Variants in NRXN3 observed in about 807,000 individuals in gnomAD.
NRXN3 encodes the protein neurexin 3.
In NRXN3, 32 loss-of-function variants were observed where a neutral mutation model predicts 137.6. That is an observed-to-expected ratio of 0.23 (90% CI 0.18 to 0.31). NRXN3 has a LOEUF of 0.31. Among genes scored for constraint, NRXN3 ranks in the 10% least tolerant of loss-of-function variants. The pLI, the probability that NRXN3 is intolerant of heterozygous loss-of-function variation, is 1.00. For synonymous variants in NRXN3, 798 were observed against 784.5 expected, an observed-to-expected ratio of 1.02 and a Z score of -0.29; for missense variants, 1,574 against 2,062.5, an observed-to-expected ratio of 0.76 and a Z score of 4.59.
At chr14:78,500,501 T>C (rs1220585453) in intron 4 of NRXN3, among the ~76,000 whole-genome samples, 1 of 152,116 alleles carries the variant, frequency 6.6e-6, no homozygotes, top group Non-Finnish European at 1.5e-5. Context: ...CCTTCTACAG[T>C]AAAAAAGTGG....
intron 4 of NRXN3, among the ~76,000 whole-genome samples, chr14:78,465,434 T>C (rs1176055843): frequency 6.6e-6 from 1 of 152,220 alleles, no homozygotes; most frequent in East Asian, 1.9e-4. Context: ...TGAAACTAGA[T>C]CTATAATATT....
At chr14:79,835,813 C>T (rs1288894063) in intron 20 of NRXN3, among the ~76,000 whole-genome samples, 1 of 152,148 alleles carries the variant, frequency 6.6e-6, no homozygotes, top group Non-Finnish European at 1.5e-5. Context: ...GATTTAAACA[C>T]TAAACCACAT....
intron 16 of NRXN3, among the ~76,000 whole-genome samples, chr14:79,622,639 C>A (rs780561445): frequency 6.6e-6 from 1 of 152,054 alleles, no homozygotes; most frequent in Admixed American, 6.5e-5. Context: ...CTCTGTCACC[C>A]AGGCTGGAGT....
chr14:79,550,846 G>T (rs1179695530), intron 16 of NRXN3, among the ~76,000 whole-genome samples: 1 of 152,090 alleles, frequency 6.6e-6, no homozygotes, highest in Non-Finnish European at 1.5e-5. Flanking sequence ...TACTTTATAG[G>T]GCTGTTCTGG....
At position 78,535,302 on chromosome 14, in the gene NRXN3, C is replaced by CTTGG. The variant is rs2096524719; in HGVS notation, c.758-109817_758-109814dup. On this transcript the variant is annotated intron_variant, in intron 4 of 20. Coordinates refer to ENST00000335750, the MANE Select transcript of NRXN3 (RefSeq NM_001330195.2). The stretch of plus-strand genomic sequence containing the variant: ...AGGGGAAAGGAAGAAGTCTGTTGAA[C>CTTGG]TTGGGGCTTAGTTTCACTCTGGATT... Among the ~76,000 whole-genome samples the CTTGG allele has an allele frequency of 2.0e-5, 3 of 152,242 alleles. No individual in the cohort carries two copies. The South Asian group carries it at 6.2e-4, about 32-fold the overall frequency.
chr14:79,514,094 A>T (rs945674272), intron 16 of NRXN3, among the ~76,000 whole-genome samples: 4 of 152,196 alleles, frequency 2.6e-5, no homozygotes, highest in Non-Finnish European at 5.9e-5. Flanking sequence ...ATCAGGAAAG[A>T]TTAAATAAGG....
chr14:79,049,022 CAA>C (rs1171306670), intron 15 of NRXN3, among the ~76,000 whole-genome samples: 36 of 29,480 alleles, frequency 1.2e-3, no homozygotes, highest in African/African-American at 1.6e-3. Flanking sequence ...AACTCCGTCT[CAA>C]AAAAAAAAAA....
At chr14:78,435,064 CAT>C (rs1216715084) in intron 4 of NRXN3, among the ~76,000 whole-genome samples, 1 of 152,196 alleles carries the variant, frequency 6.6e-6, no homozygotes, top group Non-Finnish European at 1.5e-5. Flanking sequence ...TAGAACTCCA[CAT>C]GTTATTAAAT....
intron 15 of NRXN3, among the ~76,000 whole-genome samples, chr14:79,106,776 A>C (rs1409951645): frequency 1.3e-5 from 2 of 152,144 alleles, no homozygotes; most frequent in Non-Finnish European, 2.9e-5. Context: ...AAAGGCTTAT[A>C]AAATTCACCA....
intron 4 of NRXN3, among the ~76,000 whole-genome samples, chr14:78,432,752 C>T (rs2093934546): frequency 6.6e-6 from 1 of 152,138 alleles, no homozygotes; most frequent in African/African-American, 2.4e-5. Flanking sequence ...GGCAGGTATA[C>T]CTGACAGACT....
Position 78,941,505 on chromosome 14 carries a change from G to T in NRXN3, c.2276-15737G>T, listed in dbSNP as rs557210496. Among the ~76,000 whole-genome samples the T allele has an allele frequency of 2.6e-5, 4 of 152,140 alleles. No individual in the cohort carries two copies. The East Asian group carries it at 7.7e-4, about 29-fold the overall frequency. ...TAGTTCCTCTACCCCTTTGTTTTCC[G>T]CAAACCTTCACATCTGCTCCCTCAG... On this transcript the variant is annotated intron_variant, in intron 10 of 20. Transcript: ENST00000335750.
chr14:79,650,263 G>T (rs894689117), intron 16 of NRXN3, among the ~76,000 whole-genome samples: 1 of 151,996 alleles, frequency 6.6e-6, no homozygotes, highest in African/African-American at 2.4e-5. Context: ...CTCTTTCTCT[G>T]GTTACTTGGG....
chr14:79,204,940 C>G (rs758868746), intron 15 of NRXN3, among the ~76,000 whole-genome samples: 8 of 152,138 alleles, frequency 5.3e-5, no homozygotes, highest in South Asian at 2.1e-4. Flanking sequence ...TTCTGGCAAT[C>G]CTTTGGCAGG....
At chr14:79,795,944 G>A (rs1019454748) in intron 19 of NRXN3, among the ~76,000 whole-genome samples, 1 of 152,038 alleles carries the variant, frequency 6.6e-6, no homozygotes, top group Non-Finnish European at 1.5e-5. Context: ...GAAAGAAAGG[G>A]AAAAAGGGAG....
At chr14:78,246,248 A>T (rs2067655799) in intron 2 of NRXN3, among the ~76,000 whole-genome samples, 1 of 152,160 alleles carries the variant, frequency 6.6e-6, no homozygotes, top group African/African-American at 2.4e-5. Flanking sequence ...ATATGTATAC[A>T]ATTTGCTTTT....
chr14:78,836,212 A>C (rs1363509857), intron 10 of NRXN3, among the ~76,000 whole-genome samples: 2 of 152,252 alleles, frequency 1.3e-5, no homozygotes, highest in Admixed American at 6.5e-5. Context: ...GGCAAGACAC[A>C]ACATGAAAGC....
intron 15 of NRXN3, among the ~76,000 whole-genome samples, chr14:79,214,423 G>A (rs145374252): frequency 7.9e-4 from 121 of 152,300 alleles, no homozygotes; most frequent in African/African-American, 2.6e-3. Context: ...GATGATTATA[G>A]TTAACAGTAA....
At chr14:79,594,485 A>C (rs1351130860) in intron 16 of NRXN3, among the ~76,000 whole-genome samples, 4 of 152,230 alleles carry the variant, frequency 2.6e-5, no homozygotes, top group Non-Finnish European at 5.9e-5. Context: ...TTGGTTCTAC[A>C]TACTTTTAAA....
rs192796420 is a variant in NRXN3, at chr14:79,233,835, C to T, written c.3263-233386C>T. 2.5e-3 allele frequency among the ~76,000 whole-genome samples: 375 copies of T among 151,962 alleles called. 3 individuals carry two copies. The highest frequency in any genetic ancestry group is 4.4e-3 in the Non-Finnish European group (296 of 67,960). ...AATTAAGAGATCCTTTTGAAGTGCCCATGTTTAAGTTTTATTTGTTTGGTT... is the reference window on the plus strand; with the variant it reads ...AATTAAGAGATCCTTTTGAAGTGCCTATGTTTAAGTTTTATTTGTTTGGTT... On this transcript the variant is annotated intron_variant, in intron 15 of 20. Transcript: ENST00000335750.
Sources: gnomAD v4.1 joint callset for allele counts (sites outside exome capture counted in the v4.1 genomes callset) on GRCh38, gnomAD v4.1.1 for gene constraint, MANE v1.5 for transcripts, NCBI Gene and HGNC (gene_info 2026-07-23, HGNC 2026-07-21) for gene names.